The following PELI2 variants were observed in gnomAD, a reference collection of about 807,000 sequenced individuals.
The protein encoded by PELI2 is pellino E3 ubiquitin protein ligase family member 2.
A neutral mutation model predicts 42.3 loss-of-function variants in PELI2; 23 were observed. The ratio of observed to expected loss-of-function variants is 0.54; its 90% confidence interval spans 0.39 to 0.77. The LOEUF (loss-of-function observed/expected upper bound fraction) is 0.77. PELI2 is among the 30% of genes least tolerant of loss of function. The probability of loss-of-function intolerance (pLI) is 0.00; values close to 1 mark genes in which losing one functional copy is unlikely to be tolerated. For synonymous variants in PELI2, 245 were observed against 212.2 expected, an observed-to-expected ratio of 1.15 and a Z score of -1.34; for missense variants, 463 against 553.2, an observed-to-expected ratio of 0.84 and a Z score of 1.64.
rs767570838 is a variant in PELI2 at position 56,290,297 on chromosome 14, C to G, written c.537C>G (p.Asp179Glu). 60 of 1,599,782 alleles carry G rather than the reference C, an allele frequency of 3.8e-5. No homozygotes were observed. Among genetic ancestry groups the G allele is most frequent in the Non-Finnish European group, 4.8e-5 (56 of 1,170,096 alleles). ...GEKAAKWKNP[D>E]GHMDGLTTNG... is the part of the protein sequence containing the mutation. ...AGGCAGCAAAGTGGAAAAACCCCGA[C>G]GGCCACATGGATGGGCTCACTACTA... The change falls in exon 5 of 6, where the codon GAC becomes GAG. Residue 179 changes from aspartate (D) to glutamate (E), a missense_variant. By Grantham distance (45) the Asp-to-Glu change is conservative. Coordinates refer to ENST00000267460, the MANE Select transcript of PELI2 (RefSeq NM_021255.3).
At chr14:56,159,922 T>A (rs1884696861) in intron 1 of PELI2, among the ~76,000 whole-genome samples, 4 of 151,824 alleles carry the variant, frequency 2.6e-5, no homozygotes, top group Admixed American at 2.6e-4. Flanking sequence ...ACAGTACCTA[T>A]TTGAGATGAA....
chr14:56,148,614 G>A (rs1034066276), intron 1 of PELI2, among the ~76,000 whole-genome samples: 2 of 152,214 alleles, frequency 1.3e-5, no homozygotes, highest in Non-Finnish European at 2.9e-5. Context: ...TCAAGACTCA[G>A]TGTAGGTGCC....
At chr14:56,200,346 G>A (rs778422693) in intron 2 of PELI2, among the ~76,000 whole-genome samples, 1 of 66,436 alleles carries the variant, frequency 1.5e-5, no homozygotes, top group South Asian at 7.0e-4. Context: ...TCACAAGGTA[G>A]GGCTTTTATC....
At chr14:56,161,560 A>G (rs1007656513) in intron 1 of PELI2, among the ~76,000 whole-genome samples, 17 of 152,184 alleles carry the variant, frequency 1.1e-4, no homozygotes, top group African/African-American at 4.1e-4. Flanking sequence ...GGCGTGAGCC[A>G]CAGCGCCTGG....
intron 2 of PELI2, among the ~76,000 whole-genome samples, chr14:56,201,407 C>T (rs1198751591): frequency 6.6e-6 from 1 of 152,146 alleles, no homozygotes; most frequent in East Asian, 1.9e-4. Context: ...CAGTAATATA[C>T]CCAGTAGTGA....
chr14:56,182,248 G>A (rs372821957), intron 2 of PELI2, among the ~76,000 whole-genome samples: 5 of 152,216 alleles, frequency 3.3e-5, no homozygotes, highest in Middle Eastern at 3.4e-3. Context: ...GGTCTTGTGG[G>A]TCTGGCTGGA....
In PELI2 at chr14:56,273,004, GA is replaced by G. The variant is rs1412071492; in HGVS notation, c.208-6668del. The stretch of plus-strand genomic sequence containing the variant: ...TGTTTCAGTTGTCTTTTGTTGTGTA[GA>G]AAACTACCACAGAATTTAGTGAGTT... On this transcript the variant is annotated intron_variant, in intron 2 of 5. Coordinates refer to ENST00000267460, the MANE Select transcript of PELI2 (RefSeq NM_021255.3). The surrounding 1 kb of genome is among the most constrained non-coding windows in gnomAD (Gnocchi z 4.3). Among the ~76,000 whole-genome samples, 1 of 152,178 alleles carries G rather than the reference GA, an allele frequency of 6.6e-6. No homozygotes were observed. Among genetic ancestry groups the G allele is most frequent in the Non-Finnish European group, 1.5e-5 (1 of 68,030 alleles).
chr14:56,194,799 G>T (rs953627274), intron 2 of PELI2, among the ~76,000 whole-genome samples: 2 of 151,926 alleles, frequency 1.3e-5, no homozygotes, highest in Admixed American at 1.3e-4. Flanking sequence ...TACCCTTCTA[G>T]CCTCCTTTCC....
chr14:56,145,187 A>G (rs1030497133), intron 1 of PELI2, among the ~76,000 whole-genome samples: 1 of 152,194 alleles, frequency 6.6e-6, no homozygotes, highest in African/African-American at 2.4e-5. Context: ...ACATCTTCAC[A>G]TGGCAGAGCA....
intron 1 of PELI2, among the ~76,000 whole-genome samples, chr14:56,156,958 T>C (rs770356338): frequency 5.3e-5 from 8 of 152,238 alleles, no homozygotes; most frequent in Non-Finnish European, 5.9e-5. Flanking sequence ...TTCTGATTCT[T>C]GGATTTTTGA....
intron 5 of PELI2, among the ~76,000 whole-genome samples, chr14:56,293,629 T>G (rs1489144559): frequency 1.3e-5 from 2 of 152,126 alleles, no homozygotes; most frequent in East Asian, 3.9e-4. Flanking sequence ...AAACACCAAG[T>G]CCACGCTCTG....
intron 1 of PELI2, among the ~76,000 whole-genome samples, chr14:56,167,036 G>A (rs1039973575): frequency 3.9e-5 from 6 of 152,086 alleles, no homozygotes; most frequent in South Asian, 2.1e-4. Context: ...TGATCCGCCC[G>A]CCTCAGCCTC....
intron 3 of PELI2, among the ~76,000 whole-genome samples, chr14:56,282,886 G>A (rs1051570918): frequency 1.3e-5 from 2 of 152,010 alleles, no homozygotes; most frequent in Non-Finnish European, 2.9e-5. Context: ...ACTACTTACA[G>A]TAGCAGTGAA....
At chr14:56,209,247 G>A (rs568553459) in intron 2 of PELI2, among the ~76,000 whole-genome samples, 13 of 152,312 alleles carry the variant, frequency 8.5e-5, no homozygotes, top group African/African-American at 3.1e-4. Context: ...ACTCCACATT[G>A]CAACTGACCT....
chr14:56,292,258 G>T (rs1449798582), intron 5 of PELI2, among the ~76,000 whole-genome samples: 1 of 152,116 alleles, frequency 6.6e-6, no homozygotes, highest in Non-Finnish European at 1.5e-5. Context: ...GATAGCATCC[G>T]ATTAACCTGG....
At chr14:56,267,785 T>G (rs749044843) in intron 2 of PELI2, among the ~76,000 whole-genome samples, 7 of 152,168 alleles carry the variant, frequency 4.6e-5, no homozygotes, top group Non-Finnish European at 1.0e-4. Flanking sequence ...TCTTCCCGTT[T>G]TTGTTTACAT....
At chr14:56,227,642 C>T (rs1194304245) in intron 2 of PELI2, among the ~76,000 whole-genome samples, 7 of 152,118 alleles carry the variant, frequency 4.6e-5, no homozygotes, top group Admixed American at 1.3e-4. Flanking sequence ...TGTTTGCTGG[C>T]GAAGCCTGGG....
At chr14:56,186,829 ATT>A (rs756718724) in intron 2 of PELI2, among the ~76,000 whole-genome samples, 2 of 152,188 alleles carry the variant, frequency 1.3e-5, no homozygotes, top group African/African-American at 4.8e-5. Context: ...TTAAAGCATA[ATT>A]TTATTAGAGT....
At chr14:56,118,772 G>T in intron 1 of PELI2, 35 bp downstream of exon 1, 2 of 1,401,470 alleles carry the variant, frequency 1.4e-6, no homozygotes, top group Non-Finnish European at 1.9e-6. Flanking sequence ...GGGCAGCGGC[G>T]CGGGCGGGGA....
Sources: allele counts gnomAD v4.1 joint callset (sites outside exome capture counted in the v4.1 genomes callset), GRCh38; gene constraint gnomAD v4.1.1; non-coding constraint Gnocchi (gnomAD v3.1); transcripts MANE v1.5; gene names NCBI Gene and HGNC (gene_info 2026-07-23, HGNC 2026-07-21).